FBXL7: variants seen among roughly 807,000 people sequenced by gnomAD.
FBXL7 encodes F-box/LRR-repeat protein 7.
In FBXL7, 12 loss-of-function variants were observed where a neutral mutation model predicts 38.3. The observed-to-expected ratio is 0.31, with a 90% CI of 0.20 to 0.51. The LOEUF (loss-of-function observed/expected upper bound fraction) is 0.51. FBXL7 is among the 20% of genes least tolerant of loss of function. FBXL7 has a pLI of 0.98. For missense variants in FBXL7, 567 were observed against 676.4 expected (o/e 0.84, Z 1.79); for synonymous variants, 297 against 300.9 (o/e 0.99, Z 0.13).
At chr5:15,816,984 T>C (rs1738032607) in intron 2 of FBXL7, among the ~76,000 whole-genome samples, 1 of 152,220 alleles carries the variant, frequency 6.6e-6, no homozygotes, top group South Asian at 2.1e-4. Flanking sequence ...GTTGTTTTTG[T>C]TCCTTAGCTC....
chr5:15,851,738 G>A (rs1739099318), intron 2 of FBXL7, among the ~76,000 whole-genome samples: 2 of 151,566 alleles, frequency 1.3e-5, no homozygotes, highest in Non-Finnish European at 2.9e-5. Flanking sequence ...GGAGGGCTGA[G>A]GATAAATATA....
chr5:15,554,536 G>A (rs990752205), intron 1 of FBXL7, among the ~76,000 whole-genome samples: 3 of 152,122 alleles, frequency 2.0e-5, no homozygotes, highest in African/African-American at 4.8e-5. Context: ...AGAAAACCCA[G>A]AATAAAAGAA....
intron 2 of FBXL7, among the ~76,000 whole-genome samples, chr5:15,793,393 A>G (rs980788823): frequency 7.2e-5 from 11 of 152,152 alleles, no homozygotes; most frequent in Middle Eastern, 3.4e-3. Context: ...GGCTCCTATC[A>G]TTGCCTTGTC....
chr5:15,851,741 T>G (rs1392817024), intron 2 of FBXL7, among the ~76,000 whole-genome samples: 1 of 151,814 alleles, frequency 6.6e-6, no homozygotes, highest in African/African-American at 2.4e-5. Context: ...GGGCTGAGGA[T>G]AAATATAAGC....
At chr5:15,833,674 T>A (rs1279866854) in intron 2 of FBXL7, among the ~76,000 whole-genome samples, 1 of 152,160 alleles carries the variant, frequency 6.6e-6, no homozygotes, top group Non-Finnish European at 1.5e-5. Flanking sequence ...GGCTTTGCCG[T>A]TTTTCTGTGT....
chr5:15,918,421 A>T (rs1741656288), intron 2 of FBXL7, among the ~76,000 whole-genome samples: 1 of 152,202 alleles, frequency 6.6e-6, no homozygotes, highest in African/African-American at 2.4e-5. Context: ...AGATACTCAC[A>T]CTGGAGGCAA....
intron 2 of FBXL7, among the ~76,000 whole-genome samples, chr5:15,727,758 C>A (rs943755409): frequency 3.3e-5 from 5 of 152,184 alleles, no homozygotes; most frequent in Admixed American, 2.6e-4. Flanking sequence ...ATATTCATGT[C>A]TTTCATCAAA....
intron 2 of FBXL7, among the ~76,000 whole-genome samples, chr5:15,776,648 G>A (rs114978029): frequency 3.3e-4 from 50 of 152,114 alleles, no homozygotes; most frequent in African/African-American, 1.2e-3. Flanking sequence ...GAAAAAATTC[G>A]CACTTTTTTT....
chr5:15,759,027 G>A (rs1736372202), intron 2 of FBXL7, among the ~76,000 whole-genome samples: 1 of 152,168 alleles, frequency 6.6e-6, no homozygotes, highest in Non-Finnish European at 1.5e-5. Flanking sequence ...TCTGCCAAGA[G>A]GTTATTATAC....
At chr5:15,574,889 C>A (rs889168476) in intron 1 of FBXL7, among the ~76,000 whole-genome samples, 8 of 151,112 alleles carry the variant, frequency 5.3e-5, no homozygotes, top group African/African-American at 1.9e-4. Flanking sequence ...GGGTCCTCAA[C>A]TAGTTGCTCA....
chr5:15,523,297 G>A lies in FBXL7; in HGVS notation c.37+22584G>A, dbSNP rs111736426. On this transcript the variant is annotated intron_variant, in intron 1 of 3. Coordinates refer to ENST00000504595, the MANE Select transcript of FBXL7 (RefSeq NM_012304.5). ...TAGTAGGCTGGGTGCGGTGGCTCAC[G>A]GCTGTAATCCCAGCACTTTGGGAGG... 6.7e-3 allele frequency among the ~76,000 whole-genome samples: 1,024 copies of A among 152,262 alleles called. 13 individuals are homozygous for A. Among genetic ancestry groups the A allele is most frequent in the African/African-American group, 0.023 (966 of 41,558 alleles).
intron 2 of FBXL7, among the ~76,000 whole-genome samples, chr5:15,858,107 T>C (rs574723662): frequency 1.5e-3 from 229 of 152,096 alleles, no homozygotes; most frequent in African/African-American, 5.3e-3. Context: ...CTTATTCACA[T>C]TAGAATTCTG....
At chr5:15,916,698 A>C (rs189457574) in intron 2 of FBXL7, among the ~76,000 whole-genome samples, 1 of 152,316 alleles carries the variant, frequency 6.6e-6, no homozygotes, top group East Asian at 1.9e-4. Context: ...CACAATTACA[A>C]TATTCCTTTA....
At chr5:15,855,720 T>A (rs1271087729) in intron 2 of FBXL7, among the ~76,000 whole-genome samples, 2 of 152,142 alleles carry the variant, frequency 1.3e-5, no homozygotes, top group Non-Finnish European at 2.9e-5. Flanking sequence ...AGAACCAACA[T>A]TTATGGAACA....
chr5:15,801,648 T>TGTGTGC (rs1561131651), intron 2 of FBXL7, among the ~76,000 whole-genome samples: 1 of 146,722 alleles, frequency 6.8e-6, no homozygotes, highest in African/African-American at 2.5e-5. Flanking sequence ...TGTGTGTGTG[T>TGTGTGC]GTGTGTGTGC....
chr5:15,633,086 G>A (rs1007823476), intron 2 of FBXL7, among the ~76,000 whole-genome samples: 45 of 152,284 alleles, frequency 3.0e-4, no homozygotes, highest in African/African-American at 1.1e-3. Context: ...TTATGAAGCG[G>A]TATTTCTTAC....
intron 1 of FBXL7, among the ~76,000 whole-genome samples, chr5:15,522,296 TTCTG>T (rs1160651838): frequency 6.6e-6 from 1 of 152,186 alleles, no homozygotes; most frequent in Non-Finnish European, 1.5e-5. Context: ...CCCCACCATC[TTCTG>T]TCTGTCTCCA....
chr5:15,698,820 G>A (rs962169879), intron 2 of FBXL7, among the ~76,000 whole-genome samples: 2 of 152,076 alleles, frequency 1.3e-5, no homozygotes, highest in South Asian at 2.1e-4. Flanking sequence ...AGTTAACTCC[G>A]AATCAAATTA....
chr5:15,690,535 G>A (rs749335834), intron 2 of FBXL7, among the ~76,000 whole-genome samples: 12 of 152,000 alleles, frequency 7.9e-5, no homozygotes, highest in Non-Finnish European at 1.6e-4. Flanking sequence ...TTTCTTTGTG[G>A]TGAGAACATT....
Sources: gnomAD v4.1 joint callset for allele counts (sites outside exome capture counted in the v4.1 genomes callset) on GRCh38, gnomAD v4.1.1 for gene constraint, MANE v1.5 for transcripts, NCBI Gene and HGNC (gene_info 2026-07-23, HGNC 2026-07-21) for gene names.